The following CNTNAP5 variants were observed in gnomAD, a reference collection of about 807,000 sequenced individuals.
The protein encoded by CNTNAP5 is contactin associated protein family member 5, also known as contactin-associated protein-like 5.
Under a neutral mutation model 150.2 loss-of-function variants are expected in CNTNAP5, and 72 were observed. The ratio of observed to expected loss-of-function variants is 0.48; its 90% CI spans 0.40 to 0.58. The LOEUF is 0.58. CNTNAP5 is among the 20% of genes least tolerant of loss of function. The pLI, the probability that CNTNAP5 is intolerant of heterozygous loss-of-function variation, is 0.00. For synonymous variants in CNTNAP5, 672 were observed against 619.8 expected (o/e 1.08, Z -1.25); for missense variants, 1,636 against 1,626.2 (o/e 1.01, Z -0.10).
At chr2:124,680,738 A>G (rs1679048204) in intron 13 of CNTNAP5, 1 of 151,854 alleles carries the variant, frequency 6.6e-6, no homozygotes, top group Non-Finnish European at 1.5e-5. Flanking sequence ...GTTTGAGATA[A>G]TGACTTCTTG....
At chr2:124,328,269 G>T in intron 3 of CNTNAP5, among the ~76,000 whole-genome samples, 1 of 152,094 alleles carries the variant, frequency 6.6e-6, no homozygotes, top group South Asian at 2.1e-4. Context: ...CTACATTGCA[G>T]ATTTTACATT....
intron 3 of CNTNAP5, among the ~76,000 whole-genome samples, chr2:124,285,642 A>G: frequency 6.7e-6 from 1 of 148,192 alleles, no homozygotes; most frequent in East Asian, 2.0e-4. Flanking sequence ...CTCTGCAAGA[A>G]AAAAAAAAAA....
chr2:124,768,460 T>C (rs1236800737), intron 16 of CNTNAP5, among the ~76,000 whole-genome samples: 1 of 152,040 alleles, frequency 6.6e-6, no homozygotes, highest in Admixed American at 6.6e-5. Flanking sequence ...CCTCAGAAAA[T>C]AGTACAAATG....
intron 3 of CNTNAP5, among the ~76,000 whole-genome samples, chr2:124,246,942 G>A (rs1318415727): frequency 1.3e-5 from 2 of 152,044 alleles, no homozygotes; most frequent in East Asian, 1.9e-4. Flanking sequence ...GACGCTTTTG[G>A]CCTGTGCACT....
intron 13 of CNTNAP5, among the ~76,000 whole-genome samples, chr2:124,684,757 A>G (rs1426803990): frequency 3.3e-5 from 5 of 150,982 alleles, no homozygotes; most frequent in Non-Finnish European, 7.4e-5. Context: ...GCAGTGTGCT[A>G]GGAGATCTAC....
intron 11 of CNTNAP5, among the ~76,000 whole-genome samples, chr2:124,599,836 G>A (rs960993920): frequency 4.0e-5 from 6 of 151,502 alleles, no homozygotes; most frequent in African/African-American, 1.5e-4. Flanking sequence ...TCATGGGTTG[G>A]GGGGAGCTCC....
chr2:124,850,455 A>G (rs1683132051), intron 19 of CNTNAP5, among the ~76,000 whole-genome samples: 2 of 152,178 alleles, frequency 1.3e-5, no homozygotes, highest in African/African-American at 2.4e-5. Flanking sequence ...ACACCAAAGA[A>G]CAATAAGGAT....
At chr2:124,195,548 G>C (rs1268553132) in intron 1 of CNTNAP5, among the ~76,000 whole-genome samples, 1 of 152,066 alleles carries the variant, frequency 6.6e-6, no homozygotes, top group Admixed American at 6.5e-5. Flanking sequence ...CAGTAGGCTG[G>C]GTTTGGCCCC....
chr2:124,083,407 T>G (rs1432078602), intron 1 of CNTNAP5, among the ~76,000 whole-genome samples: 1 of 152,172 alleles, frequency 6.6e-6, no homozygotes, highest in Non-Finnish European at 1.5e-5. Context: ...ATTCTGTAAC[T>G]TGTTTTTCAT....
intron 11 of CNTNAP5, among the ~76,000 whole-genome samples, chr2:124,604,858 G>A (rs1238773557): frequency 6.6e-6 from 1 of 152,142 alleles, no homozygotes; most frequent in Non-Finnish European, 1.5e-5. Context: ...ATGACTTAGT[G>A]AAATAAACAT....
chr2:124,098,653 G>C (rs935351477), intron 1 of CNTNAP5, among the ~76,000 whole-genome samples: 1 of 152,138 alleles, frequency 6.6e-6, no homozygotes, highest in Non-Finnish European at 1.5e-5. Context: ...GGCACAACTA[G>C]TGTTAGATTT....
chr2:124,400,116 G>A (rs202201891), intron 3 of CNTNAP5, among the ~76,000 whole-genome samples: 9 of 147,290 alleles, frequency 6.1e-5, no homozygotes, highest in East Asian at 2.0e-4. Context: ...GGCTTATAAT[G>A]AAAAAAAAAA....
chr2:124,510,959 T>G (rs917576931), intron 8 of CNTNAP5, among the ~76,000 whole-genome samples: 1 of 152,180 alleles, frequency 6.6e-6, no homozygotes, highest in Non-Finnish European at 1.5e-5. Flanking sequence ...TTTCTTACTT[T>G]TCATAAGGTA....
At chr2:124,060,871 T>C (rs1037998987) in intron 1 of CNTNAP5, among the ~76,000 whole-genome samples, 1 of 152,194 alleles carries the variant, frequency 6.6e-6, no homozygotes, top group Non-Finnish European at 1.5e-5. Context: ...AAACTTGTCA[T>C]GGTGTTTTTT....
At chr2:124,097,972 G>T (rs1158532345) in intron 1 of CNTNAP5, among the ~76,000 whole-genome samples, 3 of 152,300 alleles carry the variant, frequency 2.0e-5, no homozygotes, top group Admixed American at 6.5e-5. Flanking sequence ...AGCTTGCCGT[G>T]GGCCGAGATG....
intron 1 of CNTNAP5, among the ~76,000 whole-genome samples, chr2:124,220,873 C>T (rs955055796): frequency 2.0e-5 from 3 of 152,058 alleles, no homozygotes; most frequent in African/African-American, 7.2e-5. Flanking sequence ...TGGGAAATGA[C>T]AAAAATTCCA....
chr2:124,906,080 T>C (rs1678530139), intron 22 of CNTNAP5, among the ~76,000 whole-genome samples: 1 of 145,972 alleles, frequency 6.9e-6, no homozygotes, highest in Non-Finnish European at 1.5e-5. Context: ...ATCCTCAAGA[T>C]GTCAAAGCAT....
At chr2:124,662,587 T>G (rs1278645434) in intron 13 of CNTNAP5, among the ~76,000 whole-genome samples, 1 of 152,202 alleles carries the variant, frequency 6.6e-6, no homozygotes, top group Non-Finnish European at 1.5e-5. Context: ...TGAAGTAAAT[T>G]GCCTGAAGTC....
intron 12 of CNTNAP5, among the ~76,000 whole-genome samples, chr2:124,626,963 C>G (rs1677737285): frequency 6.6e-6 from 1 of 152,178 alleles, no homozygotes; most frequent in Non-Finnish European, 1.5e-5. Context: ...CACCACAGTG[C>G]AGCAAAGGAG....
Sources: allele counts gnomAD v4.1 joint callset (sites outside exome capture counted in the v4.1 genomes callset), GRCh38; gene constraint gnomAD v4.1.1; transcripts MANE v1.5; gene names NCBI Gene and HGNC (gene_info 2026-07-23, HGNC 2026-07-21).